ACO2: variants seen among roughly 807,000 people sequenced by gnomAD.
ACO2 encodes the protein aconitase 2.
In ACO2, 31 loss-of-function variants were observed where a neutral mutation model predicts 84.5. That is an observed-to-expected ratio of 0.37 (90% CI 0.28 to 0.50). ACO2 has a LOEUF of 0.50. ACO2 is among the 20% of genes least tolerant of loss of function. The probability of loss-of-function intolerance (pLI) is 0.97; values close to 1 mark genes in which losing one functional copy is unlikely to be tolerated. For missense variants in ACO2, 685 were observed against 1,029.3 expected, an observed-to-expected ratio of 0.67 and a Z score of 4.58; for synonymous variants, 414 against 412.7, an observed-to-expected ratio of 1.00 and a Z score of -0.04.
chr22:41,507,837 C>G lies in ACO2; in HGVS notation c.220C>G (p.Leu74Val), dbSNP rs141772938. The G allele has an allele frequency of 4.6e-3, 7,438 of 1,614,196 alleles. 27 individuals are homozygous for G. The highest frequency in any genetic ancestry group is 5.7e-3 in the Non-Finnish European group (6,678 of 1,180,028). ...TLSEKIVYGH[L>V]DDPASQEIER... Reference sequence around the variant, plus strand: ...CTCGGAGAAGATTGTGTATGGACACCTGGATGACCCCGCCAGCCAGGAAAT... The same window carrying G: ...CTCGGAGAAGATTGTGTATGGACACGTGGATGACCCCGCCAGCCAGGAAAT... Residue 74 changes from leucine to valine, a missense_variant, in exon 3 of 18, where the codon CTG (leucine) becomes GTG (valine). Physicochemically the swap from Leu to Val is conservative, Grantham distance 32. Coordinates refer to ENST00000216254, the MANE Select transcript of ACO2 (RefSeq NM_001098.3).
In ACO2 at chr22:41,528,470, T is replaced by A. The variant is rs2066651805; in HGVS notation, c.2209-9T>A. 6.2e-7 allele frequency: 1 copy of A among 1,611,566 alleles called. No homozygotes were observed. Among genetic ancestry groups the A allele is most frequent in the Non-Finnish European group, 8.5e-7 (1 of 1,179,794 alleles). On this transcript the variant is annotated splice_polypyrimidine_tract_variant and intron_variant, in intron 17 of 17. Coordinates refer to ENST00000216254, the MANE Select transcript of ACO2 (RefSeq NM_001098.3). ...ACCACTTCCACCCACACCCACCTTC[T>A]CCTTGCAGCCCCTGAAGTGCATCAT...
intron 7 of ACO2, 48 bp from the exon 8 acceptor site, chr22:41,518,433 A>G: frequency 6.8e-7 from 1 of 1,463,984 alleles, no homozygotes; most frequent in African/African-American, 1.4e-5. Context: ...AACTCTCAAG[A>G]ACAGTTTATG....
At chr22:41,492,892 C>A (rs745418200) in intron 1 of ACO2, among the ~76,000 whole-genome samples, 1 of 152,088 alleles carries the variant, frequency 6.6e-6, no homozygotes, top group Non-Finnish European at 1.5e-5. Flanking sequence ...TGCAGTGAGA[C>A]GAGATAGCGC....
At position 41,470,528 on chromosome 22, in the gene ACO2, C is replaced by CTTTTT. The variant is rs71184811; in HGVS notation, c.36+1376_36+1380dup. Among the ~76,000 whole-genome samples, 196 of 95,838 alleles carry CTTTTT rather than the reference C, an allele frequency of 2.0e-3. 6 individuals carry two copies. Among genetic ancestry groups the CTTTTT allele is most frequent in the Non-Finnish European group, 3.0e-3 (142 of 47,782 alleles). The allele number at this position is 95,838 out of a possible 152,430, so 62.9% of individuals were successfully genotyped here. A position where few individuals can be genotyped will look rare whatever the true frequency, so the allele number is the denominator to read the frequency against. On this transcript the variant is annotated intron_variant, in intron 1 of 17. Transcript: ENST00000216254. Reference sequence around the variant, plus strand: ...TTTGCACCTAATTATCTCTTTACATCTTTTTTTTTTTTTTTTTTTTTTTTT... The same window carrying CTTTTT: ...TTTGCACCTAATTATCTCTTTACATCTTTTTTTTTTTTTTTTTTTTTTTTTTTTTT...
intron 1 of ACO2, among the ~76,000 whole-genome samples, chr22:41,486,556 C>T (rs374136659): frequency 4.7e-5 from 7 of 149,590 alleles, no homozygotes; most frequent in African/African-American, 1.7e-4. Context: ...CTGCAAGCTC[C>T]ACCTCCCAGG....
At chr22:41,470,685 G>A (rs1275555869) in intron 1 of ACO2, among the ~76,000 whole-genome samples, 2 of 151,978 alleles carry the variant, frequency 1.3e-5, no homozygotes, top group African/African-American at 4.8e-5. Flanking sequence ...TGGGATTACA[G>A]GTGTGCACCA....
At chr22:41,504,088 C>CAT (rs1470378622) in intron 2 of ACO2, among the ~76,000 whole-genome samples, 5 of 152,232 alleles carry the variant, frequency 3.3e-5, no homozygotes, top group African/African-American at 1.2e-4. Context: ...TGGTGGCGAG[C>CAT]GCCTGTAATC....
intron 2 of ACO2, among the ~76,000 whole-genome samples, chr22:41,502,965 G>A (rs1390564745): frequency 1.3e-5 from 2 of 151,902 alleles, no homozygotes; most frequent in Non-Finnish European, 2.9e-5. Context: ...AGCTGGTCTT[G>A]AACTCCTAGG....
chr22:41,500,910 G>T (rs994583570), intron 2 of ACO2, among the ~76,000 whole-genome samples: 2 of 151,694 alleles, frequency 1.3e-5, no homozygotes, highest in Non-Finnish European at 2.9e-5. Flanking sequence ...CATCATGTTG[G>T]CCAGGCTGGC....
In ACO2 at chr22:41,469,130, C is replaced by G. The variant is rs1296251115; in HGVS notation, c.-17C>G. ...GGACGTCACTTTAATGCGACCTCAT[C>G]TTTGTCAGTGCACAAAATGGCGCCC... is the stretch of plus-strand genomic sequence containing the variant. On this transcript the variant is annotated 5_prime_UTR_variant, in exon 1 of 18. In the 5' UTR this introduces an upstream ATG that the reference lacks. Transcript: ENST00000216254. The G allele has an allele frequency of 1.2e-6, 2 of 1,607,888 alleles. No homozygotes were observed. The highest frequency in any genetic ancestry group is 2.7e-5 in the African/African-American group (2 of 74,500).
In ACO2 at chr22:41,528,622, C is replaced by A; in HGVS notation, c.*9C>A. The A allele has an allele frequency of 6.5e-7, 1 of 1,541,876 alleles. No homozygotes were observed. Among genetic ancestry groups the A allele is most frequent in the Non-Finnish European group, 8.7e-7 (1 of 1,148,010 alleles). ...AGGAACTGCAACAGTGAGGGCAGTG[C>A]CTCCCCGCCCCGCCGCTGGCGTCAA... On this transcript the variant is annotated 3_prime_UTR_variant, in exon 18 of 18. Transcript: ENST00000216254.
chr22:41,470,334 C>T (rs1403924581), intron 1 of ACO2, among the ~76,000 whole-genome samples: 1 of 152,148 alleles, frequency 6.6e-6, no homozygotes, highest in Admixed American at 6.6e-5. Flanking sequence ...GCGTTGTACT[C>T]TCAGGAAGCT....
intron 1 of ACO2, among the ~76,000 whole-genome samples, chr22:41,497,369 T>G (rs1347771130): frequency 6.6e-6 from 1 of 152,000 alleles, no homozygotes; most frequent in Non-Finnish European, 1.5e-5. Flanking sequence ...GCACCCGGCC[T>G]CTTGCTGTCA....
At chr22:41,527,699 G>A in intron 16 of ACO2, 1 of 845,730 alleles carries the variant, frequency 1.2e-6, no homozygotes, top group Non-Finnish European at 1.8e-6. Flanking sequence ...CAGCAGGAAG[G>A]CCTCGCAGAC....
In ACO2 at chr22:41,523,189, C is replaced by T. The variant is rs758774618; in HGVS notation, c.1297-16C>T. ...TCACCCACCCTTGACATTCTGTCTT[C>T]CTCTCTCCCTGGCAGGCACAGATCT... On this transcript the variant is annotated splice_polypyrimidine_tract_variant and intron_variant, in intron 10 of 17. Coordinates refer to ENST00000216254, the MANE Select transcript of ACO2 (RefSeq NM_001098.3). 1.2e-6 allele frequency: 2 copies of T among 1,608,256 alleles called. No homozygotes were observed. Among genetic ancestry groups the T allele is most frequent in the South Asian group, 2.2e-5 (2 of 90,446 alleles).
rs1414968443 is a variant in ACO2 at position 41,499,822 on chromosome 22, T to C, written c.133T>C (p.Tyr45His). Residue 45 changes from tyrosine (Y) to histidine (H), a missense_variant, in exon 2 of 18, where the codon TAT (tyrosine) becomes CAT (histidine). This residue lies in a region of ACO2 where 98 missense variants were observed against 107.6 expected (regional missense o/e 0.91). Transcript: ENST00000216254. ...SHFEPNEYIH[Y>H]DLLEKNINIV... ...CTTTGAGCCCAACGAGTACATCCAT[T>C]ATGACCTGCTAGAGAAGAACATTAA... 10 of 1,614,010 alleles carry C rather than the reference T, an allele frequency of 6.2e-6. No individual in the cohort carries two copies. The highest frequency in any genetic ancestry group is 7.6e-6 in the Non-Finnish European group (9 of 1,180,042).
At chr22:41,499,971 G>C in intron 2 of ACO2, 109 bp downstream of exon 2, 3 of 1,411,652 alleles carry the variant, frequency 2.1e-6, no homozygotes, top group Non-Finnish European at 2.9e-6. Context: ...ATAGTGGCAG[G>C]GTCAAGGTAT....
At chr22:41,469,222 G>T (rs755048490) in intron 1 of ACO2, 40 bp downstream of exon 1, 1 of 1,599,790 alleles carries the variant, frequency 6.3e-7, no homozygotes, top group Non-Finnish European at 8.5e-7. Flanking sequence ...CGGGGGCGGG[G>T]TGCCTCCTAC....
chr22:41,469,239 G>A, intron 1 of ACO2, 57 bp downstream of exon 1: 3 of 1,572,522 alleles, frequency 1.9e-6, no homozygotes, highest in Admixed American at 1.9e-5. Flanking sequence ...CTACTGTGCC[G>A]GCGGCTGTGG....
Sources: allele counts gnomAD v4.1 joint callset (sites outside exome capture counted in the v4.1 genomes callset), GRCh38; gene constraint gnomAD v4.1.1; regional missense constraint gnomAD v4.1.1; transcripts MANE v1.5; gene names NCBI Gene and HGNC (gene_info 2026-07-23, HGNC 2026-07-21).